F13A1: variants seen among roughly 807,000 people sequenced by gnomAD.
The protein encoded by F13A1 is coagulation factor XIII A chain, also known as FSF, A subunit.
Under a neutral mutation model 80.1 loss-of-function variants are expected in F13A1, and 47 were observed. That is an observed-to-expected ratio of 0.59 (90% CI 0.46 to 0.75). The LOEUF is 0.75. F13A1 is among the 30% of genes least tolerant of loss of function. The pLI is 0.00. For missense variants in F13A1, 817 were observed against 930.4 expected (o/e 0.88, Z 1.59); for synonymous variants, 349 against 344.9 (o/e 1.01, Z -0.13).
At chr6:6,276,981 C>T (rs1292061350) in intron 3 of F13A1, among the ~76,000 whole-genome samples, 1 of 152,074 alleles carries the variant, frequency 6.6e-6, no homozygotes, top group Non-Finnish European at 1.5e-5. Context: ...TAAGGGGACC[C>T]CAGAGAAACC....
At chr6:6,179,401 T>A (rs2096707302) in intron 11 of F13A1, among the ~76,000 whole-genome samples, 1 of 152,232 alleles carries the variant, frequency 6.6e-6, no homozygotes, top group Non-Finnish European at 1.5e-5. Context: ...CTAGTAATAA[T>A]TTGTTTCCTG....
chr6:6,154,687 T>C (rs755119081), intron 13 of F13A1, among the ~76,000 whole-genome samples: 3 of 152,254 alleles, frequency 2.0e-5, no homozygotes, highest in Non-Finnish European at 4.4e-5. Context: ...ATTTAGATAT[T>C]GAAGGTGTAG....
chr6:6,239,736 A>G (rs572572558), intron 6 of F13A1, among the ~76,000 whole-genome samples: 2 of 152,300 alleles, frequency 1.3e-5, no homozygotes, highest in Non-Finnish European at 2.9e-5. Context: ...TGAGATTTCA[A>G]GGTCTCCAAG....
At chr6:6,297,518 T>C (rs1758349069) in intron 3 of F13A1, among the ~76,000 whole-genome samples, 1 of 151,072 alleles carries the variant, frequency 6.6e-6, no homozygotes, top group African/African-American at 2.5e-5. Flanking sequence ...CTTCTAGATT[T>C]TCTAGTTTAT....
intron 13 of F13A1, among the ~76,000 whole-genome samples, chr6:6,157,576 A>G (rs1056084352): frequency 6.6e-6 from 1 of 152,242 alleles, no homozygotes; most frequent in African/African-American, 2.4e-5. Flanking sequence ...GAAAACATCT[A>G]TAACTCACCT....
At chr6:6,288,904 G>T (rs952606984) in intron 3 of F13A1, among the ~76,000 whole-genome samples, 3 of 152,184 alleles carry the variant, frequency 2.0e-5, no homozygotes, top group African/African-American at 2.4e-5. Flanking sequence ...ATGATTAGAG[G>T]TGTTGAGCAT....
chr6:6,159,519 C>T (rs923861432), intron 13 of F13A1, among the ~76,000 whole-genome samples: 1 of 152,172 alleles, frequency 6.6e-6, no homozygotes, highest in Non-Finnish European at 1.5e-5. Context: ...AAGGGAACCC[C>T]CTTTTTTGGG....
chr6:6,207,349 C>T (rs1309934985), intron 8 of F13A1, among the ~76,000 whole-genome samples: 1 of 152,146 alleles, frequency 6.6e-6, no homozygotes, highest in Non-Finnish European at 1.5e-5. Context: ...TTTATTTGAT[C>T]TGATTCACAG....
At chr6:6,300,708 C>G (rs6922712) in intron 3 of F13A1, among the ~76,000 whole-genome samples, 1 of 152,224 alleles carries the variant, frequency 6.6e-6, no homozygotes, top group African/African-American at 2.4e-5. Context: ...TCTTCTGGGT[C>G]GCTCAGGCTG....
At chr6:6,187,770 A>G (rs1761106731) in intron 10 of F13A1, among the ~76,000 whole-genome samples, 2 of 110,800 alleles carry the variant, frequency 1.8e-5, no homozygotes, top group Non-Finnish European at 3.8e-5. Context: ...CTCTTTTTCT[A>G]TTGATTGGAA....
At chr6:6,165,214 G>A (rs1052087358) in intron 13 of F13A1, among the ~76,000 whole-genome samples, 5 of 152,100 alleles carry the variant, frequency 3.3e-5, no homozygotes, top group African/African-American at 1.2e-4. Flanking sequence ...GTTGCTTTGT[G>A]GAAGGAAACA....
chr6:6,207,823 T>C (rs1761522125), intron 8 of F13A1, among the ~76,000 whole-genome samples: 1 of 152,124 alleles, frequency 6.6e-6, no homozygotes, highest in African/African-American at 2.4e-5. Flanking sequence ...TGGCCATACA[T>C]GACAAGAAAA....
At chr6:6,221,883 A>G in intron 8 of F13A1, 150 bp downstream of exon 8, 1 of 900,016 alleles carries the variant, frequency 1.1e-6, no homozygotes, top group Non-Finnish European at 1.7e-6. Flanking sequence ...ATCATTTGCT[A>G]GAACATTCTT....
At chr6:6,280,998 G>A (rs1260521817) in intron 3 of F13A1, among the ~76,000 whole-genome samples, 1 of 152,122 alleles carries the variant, frequency 6.6e-6, no homozygotes, top group East Asian at 1.9e-4. Context: ...TCCTCACTTT[G>A]GGACTCAGCT....
chr6:6,148,379 C>T (rs1053688491), intron 14 of F13A1, among the ~76,000 whole-genome samples: 3 of 152,174 alleles, frequency 2.0e-5, no homozygotes, highest in Admixed American at 6.5e-5. Context: ...AGCTCCTCAC[C>T]TTCCAGGCCC....
At chr6:6,199,293 T>C (rs1225641906) in intron 8 of F13A1, among the ~76,000 whole-genome samples, 1 of 151,958 alleles carries the variant, frequency 6.6e-6, no homozygotes, top group Non-Finnish European at 1.5e-5. Flanking sequence ...ATCGAGACCA[T>C]CCTGGTTAAC....
chr6:6,245,133 A>G (rs2113094403), intron 6 of F13A1, among the ~76,000 whole-genome samples: 1 of 152,322 alleles, frequency 6.6e-6, no homozygotes, highest in Non-Finnish European at 1.5e-5. Context: ...GGATGTCGTT[A>G]AACATTCTAC....
intron 8 of F13A1, among the ~76,000 whole-genome samples, chr6:6,212,407 C>G (rs1266797032): frequency 6.6e-6 from 1 of 152,200 alleles, no homozygotes; most frequent in African/African-American, 2.4e-5. Flanking sequence ...AGGCACCCCC[C>G]AGCAGGGGCA....
intron 8 of F13A1, among the ~76,000 whole-genome samples, chr6:6,210,885 C>T (rs976518328): frequency 5.3e-5 from 8 of 152,120 alleles, no homozygotes; most frequent in Non-Finnish European, 7.4e-5. Flanking sequence ...TGCACCACCA[C>T]GCCCAGCTAA....
Sources: allele counts gnomAD v4.1 joint callset (sites outside exome capture counted in the v4.1 genomes callset), GRCh38; gene constraint gnomAD v4.1.1; transcripts MANE v1.5; gene names NCBI Gene and HGNC (gene_info 2026-07-23, HGNC 2026-07-21).